Variants in STXBP4 observed in about 807,000 individuals in gnomAD.
The protein encoded by STXBP4 is syntaxin binding protein 4.
A neutral mutation model predicts 76.1 loss-of-function variants in STXBP4; 55 were observed. The ratio of observed to expected loss-of-function variants is 0.72; its 90% CI spans 0.58 to 0.91. The LOEUF (loss-of-function observed/expected upper bound fraction) is 0.91, where lower values mean the gene tolerates loss of function less well. Among genes scored for constraint, STXBP4 ranks in the 40% least tolerant of loss-of-function variants. The probability of loss-of-function intolerance (pLI) is 0.00; values close to 1 mark genes in which losing one functional copy is unlikely to be tolerated. For missense variants in STXBP4, 618 were observed against 636.9 expected (o/e 0.97, Z 0.32); for synonymous variants, 201 against 220.2 (o/e 0.91, Z 0.77).
chr17:55,131,852 T>G (rs1458883859), intron 16 of STXBP4, among the ~76,000 whole-genome samples: 3 of 152,170 alleles, frequency 2.0e-5, no homozygotes, highest in African/African-American at 7.2e-5. Context: ...ACTCTCTGTC[T>G]TCCAGGCTCA....
At chr17:55,022,199 T>C (rs1031812695) in intron 8 of STXBP4, among the ~76,000 whole-genome samples, 2 of 152,164 alleles carry the variant, frequency 1.3e-5, no homozygotes, top group Admixed American at 6.5e-5. Context: ...TGTTGCTTGC[T>C]AGTGAACTTT....
intron 12 of STXBP4, among the ~76,000 whole-genome samples, chr17:55,056,095 T>C (rs2078919839): frequency 6.6e-6 from 1 of 152,184 alleles, no homozygotes; most frequent in Non-Finnish European, 1.5e-5. Flanking sequence ...AGAACAGCAA[T>C]GTCCCTTAGA....
At chr17:55,010,616 A>T (rs2078092011) in intron 8 of STXBP4, among the ~76,000 whole-genome samples, 1 of 152,124 alleles carries the variant, frequency 6.6e-6, no homozygotes, top group African/African-American at 2.4e-5. Context: ...AAATCAAAAT[A>T]TCGTACCTCT....
chr17:55,041,956 C>T (rs2078705558), intron 10 of STXBP4, among the ~76,000 whole-genome samples: 1 of 151,998 alleles, frequency 6.6e-6, no homozygotes, highest in Non-Finnish European at 1.5e-5. Context: ...GAAATGAATT[C>T]TTATGAGTGT....
chr17:55,041,460 C>T (rs2078698284), intron 10 of STXBP4, among the ~76,000 whole-genome samples: 1 of 152,064 alleles, frequency 6.6e-6, no homozygotes, highest in Admixed American at 6.6e-5. Context: ...TCAAGCAATC[C>T]TCCAGCCTCG....
chr17:55,118,935 A>T (rs772395851), intron 16 of STXBP4, among the ~76,000 whole-genome samples: 2 of 148,852 alleles, frequency 1.3e-5, no homozygotes, highest in Non-Finnish European at 3.0e-5. Flanking sequence ...AAGCTGTATT[A>T]ACTGATTTAT....
the STXBP4 span, among the ~76,000 whole-genome samples, chr17:55,204,391 G>C: frequency 2.6e-5 from 4 of 151,888 alleles, no homozygotes; most frequent in Non-Finnish European, 4.4e-5. Context: ...CTAACATATA[G>C]ATTACTTGTG....
chr17:55,200,926 C>T, the STXBP4 span, among the ~76,000 whole-genome samples: 2 of 152,200 alleles, frequency 1.3e-5, no homozygotes, highest in African/African-American at 2.4e-5. Flanking sequence ...CTCTCTCTAA[C>T]CCAATTGGGA....
At chr17:55,044,414 A>G (rs1330669815) in intron 11 of STXBP4, 1 of 151,936 alleles carries the variant, frequency 6.6e-6, no homozygotes, top group Non-Finnish European at 1.5e-5. Flanking sequence ...TTGCTACCTT[A>G]GTTTTTATAA....
At chr17:55,120,816 T>G (rs1457976317) in intron 16 of STXBP4, among the ~76,000 whole-genome samples, 1 of 34,740 alleles carries the variant, frequency 2.9e-5, no homozygotes, top group African/African-American at 9.4e-5. Flanking sequence ...AGAAAGAGTG[T>G]TTTTTTTTTA....
intron 16 of STXBP4, among the ~76,000 whole-genome samples, chr17:55,124,048 G>A (rs1277379229): frequency 6.6e-6 from 1 of 152,180 alleles, no homozygotes; most frequent in African/African-American, 2.4e-5. Context: ...GCTGGATTGT[G>A]TCAGCCTAAG....
Position 55,143,499 on chromosome 17 carries a change from C to T in STXBP4, c.1547+2132C>T, listed in dbSNP as rs184492634. On this transcript the variant is annotated intron_variant, in intron 17 of 17. Coordinates refer to ENST00000376352, the MANE Select transcript of STXBP4 (RefSeq NM_178509.6). ...GCACAGTTACCCAAAACAGAGAAAG[C>T]AGGAACAAGTGATGGTCAGCCAGAG... Among the ~76,000 whole-genome samples, 114 of 152,258 alleles carry T rather than the reference C, an allele frequency of 7.5e-4. No individual in the cohort carries two copies. The East Asian group carries it at 0.011, about 15-fold the overall frequency.
chr17:55,207,219 G>A, the STXBP4 span, among the ~76,000 whole-genome samples: 8 of 152,218 alleles, frequency 5.3e-5, no homozygotes, highest in Non-Finnish European at 8.8e-5. Context: ...TCCCCAGGAT[G>A]TGCCATCCCG....
At chr17:55,097,052 TA>T (rs2079496361) in intron 16 of STXBP4, among the ~76,000 whole-genome samples, 2 of 152,354 alleles carry the variant, frequency 1.3e-5, no homozygotes, top group East Asian at 1.9e-4. Context: ...GAATCTTTAA[TA>T]TTTTTTTTCT....
In STXBP4 at chr17:55,072,893, T is replaced by C. The variant is rs2079138482; in HGVS notation, c.1012-7T>C. ...TTTTTAAATGACATTAATTTTGAAA[T>C]CTTTAGGAAGCCAAAGCTGTAGTTG... On this transcript the variant is annotated splice_polypyrimidine_tract_variant and splice_region_variant and intron_variant, in intron 12 of 17. Coordinates refer to ENST00000376352, the MANE Select transcript of STXBP4 (RefSeq NM_178509.6). 3 of 1,580,062 alleles carry C rather than the reference T, an allele frequency of 1.9e-6. No individual in the cohort carries two copies. The highest frequency in any genetic ancestry group is 1.4e-5 in the African/African-American group (1 of 73,148).
At chr17:55,099,965 A>G (rs546793648) in intron 16 of STXBP4, among the ~76,000 whole-genome samples, 1 of 152,294 alleles carries the variant, frequency 6.6e-6, no homozygotes, top group Non-Finnish European at 1.5e-5. Flanking sequence ...AGTTTCCTGT[A>G]CAGAAAGTCA....
At chr17:55,202,439 T>A in the STXBP4 span, among the ~76,000 whole-genome samples, 6 of 151,976 alleles carry the variant, frequency 3.9e-5, no homozygotes, top group African/African-American at 1.4e-4. Context: ...TTAAATGACA[T>A]TTAATTAAAT....
chr17:54,972,594 C>T (rs918522245), intron 1 of STXBP4, among the ~76,000 whole-genome samples: 17 of 152,144 alleles, frequency 1.1e-4, no homozygotes, highest in African/African-American at 4.1e-4. Context: ...TTCATCACTT[C>T]CTTATTTTCT....
chr17:55,156,176 TCTAAATTTTTTATA>T (rs1392007696), intron 17 of STXBP4, among the ~76,000 whole-genome samples: 10 of 152,200 alleles, frequency 6.6e-5, no homozygotes, highest in African/African-American at 2.2e-4. Flanking sequence ...TTTCCAAACC[TCTAAATTTTTTATA>T]CTAAATTTTT....
Sources: gnomAD v4.1 joint callset for allele counts (sites outside exome capture counted in the v4.1 genomes callset) on GRCh38, gnomAD v4.1.1 for gene constraint, MANE v1.5 for transcripts, NCBI Gene and HGNC (gene_info 2026-07-23, HGNC 2026-07-21) for gene names.